ADAM2: variants seen among roughly 807,000 people sequenced by gnomAD.
ADAM2 encodes the protein disintegrin and metalloproteinase domain-containing protein 2.
Under a neutral mutation model 99.3 loss-of-function variants are expected in ADAM2, and 101 were observed. That is an observed-to-expected ratio of 1.02 (90% CI 0.87 to 1.20). The LOEUF (loss-of-function observed/expected upper bound fraction) is 1.20, where lower values mean the gene tolerates loss of function less well. ADAM2 is among the 50% of genes most tolerant of loss of function. ADAM2 has a pLI of 0.00. For synonymous variants in ADAM2, 323 were observed against 287.6 expected, an observed-to-expected ratio of 1.12 and a Z score of -1.25; for missense variants, 948 against 878.7, an observed-to-expected ratio of 1.08 and a Z score of -1.00.
chr8:39,764,757 T>C (rs1409427153), intron 14 of ADAM2, among the ~76,000 whole-genome samples: 1 of 152,030 alleles, frequency 6.6e-6, no homozygotes, highest in Admixed American at 6.6e-5. Context: ...CTCAAGCGAG[T>C]AATCCCAGCA....
At chr8:39,810,196 A>G (rs1804635799) in intron 6 of ADAM2, among the ~76,000 whole-genome samples, 1 of 152,206 alleles carries the variant, frequency 6.6e-6, no homozygotes. Flanking sequence ...GAAGGCCATT[A>G]CATAATGGTA....
chr8:39,800,066 C>T (rs1804136268), intron 7 of ADAM2, among the ~76,000 whole-genome samples: 1 of 151,218 alleles, frequency 6.6e-6, no homozygotes, highest in African/African-American at 2.5e-5. Flanking sequence ...GATCCTGTCA[C>T]ATGGTGCTAT....
chr8:39,805,076 T>A (rs1804381318), intron 7 of ADAM2, among the ~76,000 whole-genome samples: 1 of 152,186 alleles, frequency 6.6e-6, no homozygotes, highest in Non-Finnish European at 1.5e-5. Flanking sequence ...GTTCATTTCC[T>A]TATAGATGGT....
At chr8:39,746,292 G>C (rs1233481836) in intron 19 of ADAM2, among the ~76,000 whole-genome samples, 180 bp downstream of exon 19, 5 of 152,196 alleles carry the variant, frequency 3.3e-5, no homozygotes, top group Non-Finnish European at 7.4e-5. Context: ...CTCAGAAAGT[G>C]GTGGGATGAC....
intron 1 of ADAM2, among the ~76,000 whole-genome samples, chr8:39,837,765 G>A (rs1447014698): frequency 6.6e-6 from 1 of 152,058 alleles, no homozygotes; most frequent in Non-Finnish European, 1.5e-5. Flanking sequence ...TGGGTCAATA[G>A]GTTCAAGCCC....
At chr8:39,808,744 C>G (rs989065627) in intron 7 of ADAM2, among the ~76,000 whole-genome samples, 1 of 151,996 alleles carries the variant, frequency 6.6e-6, no homozygotes, top group Admixed American at 6.6e-5. Flanking sequence ...GGTGAAACCC[C>G]GTCTCTACTA....
At chr8:39,809,600 C>A in intron 6 of ADAM2, 134 bp from the exon 7 acceptor site, 2 of 535,360 alleles carry the variant, frequency 3.7e-6, no homozygotes, top group Non-Finnish European at 6.7e-6. Context: ...ATAATATAAG[C>A]AACACTAGAT....
chr8:39,745,047 G>A (rs1380575990), intron 19 of ADAM2, among the ~76,000 whole-genome samples, 154 bp from the exon 20 acceptor site: 1 of 151,998 alleles, frequency 6.6e-6, no homozygotes, highest in African/African-American at 2.4e-5. Context: ...GAACATCTCT[G>A]CCCTGGTAAT....
intron 16 of ADAM2, among the ~76,000 whole-genome samples, chr8:39,754,938 C>A (rs530554512): frequency 1.3e-5 from 2 of 152,210 alleles, no homozygotes; most frequent in East Asian, 3.9e-4. Context: ...TATTCTACAA[C>A]TCCATGTGTG....
chr8:39,773,282 G>A (rs1802855543), intron 11 of ADAM2, among the ~76,000 whole-genome samples: 1 of 151,738 alleles, frequency 6.6e-6, no homozygotes, highest in Non-Finnish European at 1.5e-5. Flanking sequence ...TGTAATTGAA[G>A]GTCAAGTTCT....
rs1389794756 is a variant in ADAM2, at chr8:39,769,415, C to T, written c.1189G>A (p.Glu397Lys). The T allele has an allele frequency of 3.1e-6, 5 of 1,613,956 alleles. No homozygotes were observed. The highest frequency in any genetic ancestry group is 1.1e-5 in the South Asian group (1 of 91,068). ...CGNAKLEAGE[E>K]CDCGTEQDCA... ...ACCTGTTCAGTCCCACAGTCACACT[C>T]CTCTCCTGCTTCCAGCTTTGCATTA... Residue 397 changes from glutamate to lysine, a missense_variant, in exon 12 of 21, where the codon GAG becomes AAG. Glu to Lys is a moderately conservative substitution (Grantham distance 56, BLOSUM62 1). Transcript: ENST00000265708.
intron 6 of ADAM2, among the ~76,000 whole-genome samples, chr8:39,810,900 C>T (rs180811744): frequency 0.02 from 3,030 of 152,078 alleles, 97 homozygotes; most frequent in African/African-American, 0.069. Context: ...CAAACACATT[C>T]AAAACCTAGC....
Position 39,777,147 on chromosome 8 carries a change from T to A in ADAM2, c.906A>T (p.Ile302=). ...AGGVVLHPRT[I]SLESLAVILA... The stretch of plus-strand genomic sequence containing the variant: ...AAATAACTGCAAGTGATTCCAGACT[T>A]ATGGTTCTGGGGTGCTGAGAAAAAA... Residue 302 remains isoleucine, a synonymous_variant, in exon 11 of 21, where the codon ATA becomes ATT. Coordinates refer to ENST00000265708, the MANE Select transcript of ADAM2 (RefSeq NM_001464.5). The A allele has an allele frequency of 3.7e-6, 6 of 1,611,102 alleles. No homozygotes were observed. The highest frequency in any genetic ancestry group is 5.1e-6 in the Non-Finnish European group (6 of 1,178,262).
intron 3 of ADAM2, among the ~76,000 whole-genome samples, chr8:39,826,705 A>G (rs1481958455): frequency 6.6e-6 from 1 of 151,592 alleles, no homozygotes; most frequent in Non-Finnish European, 1.5e-5. Flanking sequence ...CCTTGGCTAC[A>G]GAGCGAGAAA....
intron 6 of ADAM2, among the ~76,000 whole-genome samples, chr8:39,810,984 T>C (rs1182102438): frequency 6.6e-6 from 1 of 151,290 alleles, no homozygotes; most frequent in Non-Finnish European, 1.5e-5. Context: ...TTCAAAAAAA[T>C]CAATGAATCC....
At chr8:39,834,823 A>T (rs906899176) in intron 2 of ADAM2, among the ~76,000 whole-genome samples, 10 of 150,182 alleles carry the variant, frequency 6.7e-5, no homozygotes, top group African/African-American at 2.5e-4. Context: ...CCTTAATTAT[A>T]TTCAGGTACC....
intron 14 of ADAM2, among the ~76,000 whole-genome samples, chr8:39,764,558 G>A (rs147023120): frequency 9.2e-5 from 14 of 152,246 alleles, no homozygotes; most frequent in African/African-American, 2.9e-4. Context: ...GCCCCCAGAC[G>A]CCAGCTTAAG....
intron 7 of ADAM2, among the ~76,000 whole-genome samples, chr8:39,793,927 G>A (rs1226732218): frequency 6.6e-6 from 1 of 152,104 alleles, no homozygotes; most frequent in Non-Finnish European, 1.5e-5. Context: ...GAAGTGAAAT[G>A]GAAATTTGGA....
At chr8:39,828,294 G>A (rs560563215) in intron 3 of ADAM2, among the ~76,000 whole-genome samples, 3 of 151,798 alleles carry the variant, frequency 2.0e-5, no homozygotes, top group African/African-American at 7.2e-5. Flanking sequence ...TGAATGGGAA[G>A]CAGAGGGTAA....
Sources: gnomAD v4.1 joint callset for allele counts (sites outside exome capture counted in the v4.1 genomes callset) on GRCh38, gnomAD v4.1.1 for gene constraint, MANE v1.5 for transcripts, NCBI Gene and HGNC (gene_info 2026-07-23, HGNC 2026-07-21) for gene names.